PKN2: variants seen among roughly 807,000 people sequenced by gnomAD.
PKN2 encodes protein kinase N2.
PKN2 carries 38 observed loss-of-function variants against 119.1 expected under a neutral mutation model. That is an observed-to-expected ratio of 0.32 (90% CI 0.25 to 0.42). The LOEUF is 0.42. PKN2 is among the 10% of genes least tolerant of loss of function. The probability of loss-of-function intolerance (pLI) is 1.00; values close to 1 mark genes in which losing one functional copy is unlikely to be tolerated. For synonymous variants in PKN2, 390 were observed against 384.9 expected (o/e 1.01, Z -0.15); for missense variants, 850 against 1,165.1 (o/e 0.73, Z 3.94).
chr1:88,739,401 G>A (rs1057130046), intron 1 of PKN2, among the ~76,000 whole-genome samples: 3 of 152,044 alleles, frequency 2.0e-5, no homozygotes, highest in South Asian at 4.2e-4. Context: ...AAACCAAGAC[G>A]AGATCCCGTA....
At chr1:88,735,602 A>ACCCCCC (rs75497861) in intron 1 of PKN2, among the ~76,000 whole-genome samples, 2 of 51,500 alleles carry the variant, frequency 3.9e-5, no homozygotes, top group African/African-American at 7.1e-5. Flanking sequence ...TTGACAGCCC[A>ACCCCCC]CCCCCCCCCC....
chr1:88,749,403 C>CA (rs11430270), intron 2 of PKN2, among the ~76,000 whole-genome samples: 63,792 of 116,550 alleles, frequency 0.55, 15,507 homozygotes, highest in Middle Eastern at 0.71. Context: ...GACTCCGTCT[C>CA]AAAAAAAAAA....
At chr1:88,770,033 ATATG>A (rs1669817755) in intron 3 of PKN2, among the ~76,000 whole-genome samples, 1 of 152,246 alleles carries the variant, frequency 6.6e-6, no homozygotes, top group Non-Finnish European at 1.5e-5. Context: ...TCATTTCACT[ATATG>A]TATGCATACC....
At chr1:88,766,550 A>G (rs747263294) in intron 3 of PKN2, among the ~76,000 whole-genome samples, 6 of 152,220 alleles carry the variant, frequency 3.9e-5, no homozygotes, top group East Asian at 1.9e-4. Flanking sequence ...TAGAGTGCCA[A>G]TTACTAATAG....
At chr1:88,696,748 A>G (rs190305176) in intron 1 of PKN2, among the ~76,000 whole-genome samples, 41 of 152,278 alleles carry the variant, frequency 2.7e-4, no homozygotes, top group African/African-American at 9.9e-4. Context: ...AAGGGATTCT[A>G]GGTTGAGAAT....
intron 1 of PKN2, among the ~76,000 whole-genome samples, chr1:88,726,926 T>G (rs570233491): frequency 1.3e-5 from 2 of 152,294 alleles, no homozygotes; most frequent in African/African-American, 4.8e-5. Flanking sequence ...TCTTGTTAGG[T>G]GGAACATTTC....
At chr1:88,742,640 A>G (rs1158728075) in intron 2 of PKN2, among the ~76,000 whole-genome samples, 1 of 152,160 alleles carries the variant, frequency 6.6e-6, no homozygotes, top group Admixed American at 6.6e-5. Flanking sequence ...ATGTATTATG[A>G]AAATGCTGTT....
chr1:88,812,262 A>T (rs1671809488), intron 15 of PKN2, among the ~76,000 whole-genome samples: 1 of 152,152 alleles, frequency 6.6e-6, no homozygotes. Context: ...TCATTATTGT[A>T]ATTCAGATAA....
chr1:88,703,206 T>A (rs1012018706), intron 1 of PKN2, among the ~76,000 whole-genome samples: 2 of 152,162 alleles, frequency 1.3e-5, no homozygotes, highest in African/African-American at 4.8e-5. Flanking sequence ...ACCAAAGTTT[T>A]TTTTTAATGT....
intron 8 of PKN2, among the ~76,000 whole-genome samples, chr1:88,791,395 C>T (rs1290657763): frequency 1.3e-5 from 2 of 150,500 alleles, no homozygotes; most frequent in Non-Finnish European, 3.0e-5. Context: ...TGAGATTGCA[C>T]CACTGCACTG....
At chr1:88,739,319 AAG>A (rs1553150423) in intron 1 of PKN2, among the ~76,000 whole-genome samples, 7 of 151,614 alleles carry the variant, frequency 4.6e-5, no homozygotes, top group Non-Finnish European at 8.8e-5. Flanking sequence ...CAGAAAAAAA[AAG>A]AGATTTATAG....
Position 88,828,616 on chromosome 1 carries a change from T to C in PKN2, c.2555T>C (p.Val852Ala). 1 of 1,611,802 alleles carries C rather than the reference T, an allele frequency of 6.2e-7. No homozygotes were observed. The highest frequency in any genetic ancestry group is 8.5e-7 in the Non-Finnish European group (1 of 1,178,324). Residue 852 changes from valine (V) to alanine (A), a missense_variant, in exon 19 of 22, where the codon GTT becomes GCT. Around this residue, in one of 9 missense-constraint regions of PKN2, gnomAD observed 95 missense variants for 150.2 expected, o/e 0.63. Transcript: ENST00000370521. ...GGCGTGCTTATATATGAAATGCTTG[T>C]TGGTGAGGTAAGCAGTGTGAAATAG... ...GLGVLIYEML[V>A]GESPFPGDDE... is the part of the protein sequence containing the mutation.
At chr1:88,765,405 A>T (rs902283690) in intron 3 of PKN2, among the ~76,000 whole-genome samples, 5 of 152,130 alleles carry the variant, frequency 3.3e-5, no homozygotes, top group Non-Finnish European at 7.3e-5. Context: ...AAGCCTCCAC[A>T]TATGGATATA....
At chr1:88,719,082 T>G (rs1232081625) in intron 1 of PKN2, among the ~76,000 whole-genome samples, 1 of 152,244 alleles carries the variant, frequency 6.6e-6, no homozygotes, top group African/African-American at 2.4e-5. Context: ...GAATATTTTT[T>G]CTTGTGTCGT....
intron 3 of PKN2, among the ~76,000 whole-genome samples, chr1:88,762,639 TC>T: frequency 6.6e-6 from 1 of 152,296 alleles, no homozygotes; most frequent in Middle Eastern, 3.4e-3. Flanking sequence ...ATATATAATA[TC>T]CTGCTTTTAA....
At position 88,808,441 on chromosome 1, in the gene PKN2, G is replaced by A. The variant is rs1226412294; in HGVS notation, c.2102+666G>A. Among the ~76,000 whole-genome samples the A allele has an allele frequency of 2.9e-4, 44 of 151,970 alleles. 1 individual carries two copies. The highest frequency in any genetic ancestry group is 2.9e-3 in the Admixed American group (44 of 15,254). On this transcript the variant is annotated intron_variant, in intron 15 of 21. Coordinates refer to ENST00000370521, the MANE Select transcript of PKN2 (RefSeq NM_006256.4). The stretch of plus-strand genomic sequence containing the variant: ...CTGCCTCAGTCTCCTGAGTAGCTGG[G>A]ACTACAGACGCATGCCACCACGTCC...
intron 1 of PKN2, among the ~76,000 whole-genome samples, chr1:88,717,748 T>C (rs112786850): frequency 0.021 from 3,180 of 152,178 alleles, 69 homozygotes; most frequent in South Asian, 0.07. Flanking sequence ...CATCCTCCTT[T>C]AGCTCGGAGA....
chr1:88,757,244 A>G (rs968829455), intron 2 of PKN2, among the ~76,000 whole-genome samples: 1 of 152,184 alleles, frequency 6.6e-6, no homozygotes, highest in African/African-American at 2.4e-5. Context: ...AAGGATTTAT[A>G]TGCACACATA....
intron 15 of PKN2, among the ~76,000 whole-genome samples, chr1:88,808,183 G>C (rs978799079): frequency 2.6e-5 from 4 of 152,042 alleles, no homozygotes; most frequent in African/African-American, 9.7e-5. Context: ...ATTTTACAAA[G>C]CAGAATATGT....
Sources: allele counts gnomAD v4.1 joint callset (sites outside exome capture counted in the v4.1 genomes callset), GRCh38; gene constraint gnomAD v4.1.1; regional missense constraint gnomAD v4.1.1; transcripts MANE v1.5; gene names NCBI Gene and HGNC (gene_info 2026-07-23, HGNC 2026-07-21).